TAFA1: variants seen among roughly 807,000 people sequenced by gnomAD.
TAFA1 encodes the protein chemokine-like protein TAFA-1.
In TAFA1, 4 loss-of-function variants were observed where a neutral mutation model predicts 18.5. The ratio of observed to expected loss-of-function variants is 0.22; its 90% confidence interval spans 0.11 to 0.49. The LOEUF (loss-of-function observed/expected upper bound fraction) is 0.49, where lower values mean the gene tolerates loss of function less well. TAFA1 is among the 20% of genes least tolerant of loss of function. The pLI, the probability that TAFA1 is intolerant of heterozygous loss-of-function variation, is 0.98. For missense variants in TAFA1, 147 were observed against 169.0 expected, an observed-to-expected ratio of 0.87 and a Z score of 0.72; for synonymous variants, 56 against 55.2, an observed-to-expected ratio of 1.01 and a Z score of -0.06.
intron 3 of TAFA1, among the ~76,000 whole-genome samples, chr3:68,531,492 C>T (rs890860804): frequency 4.6e-5 from 7 of 152,022 alleles, no homozygotes; most frequent in Non-Finnish European, 7.4e-5. Flanking sequence ...CCTGATTCTT[C>T]CTTTAGCGGG....
chr3:68,466,859 A>C (rs902261355), intron 3 of TAFA1, among the ~76,000 whole-genome samples: 2 of 152,160 alleles, frequency 1.3e-5, no homozygotes, highest in Non-Finnish European at 1.5e-5. Flanking sequence ...AAAAAATAGA[A>C]ATTTTAAAGC....
chr3:68,298,794 A>G (rs895733886), intron 2 of TAFA1, among the ~76,000 whole-genome samples: 2 of 152,180 alleles, frequency 1.3e-5, no homozygotes, highest in African/African-American at 4.8e-5. Flanking sequence ...CTCCCCAGCC[A>G]TGCTGAACTG....
chr3:68,051,020 A>G (rs1255089136), intron 2 of TAFA1, among the ~76,000 whole-genome samples: 1 of 152,148 alleles, frequency 6.6e-6, no homozygotes, highest in Non-Finnish European at 1.5e-5. Context: ...GTCTATGTCA[A>G]CCTGCCTGGT....
At chr3:68,029,082 T>C (rs1470036648) in intron 2 of TAFA1, among the ~76,000 whole-genome samples, 2 of 152,118 alleles carry the variant, frequency 1.3e-5, no homozygotes, top group African/African-American at 2.4e-5. Context: ...AACTTGACAT[T>C]GGATTTAAGG....
intron 2 of TAFA1, among the ~76,000 whole-genome samples, chr3:68,388,975 T>C (rs1275307123): frequency 6.6e-6 from 1 of 152,206 alleles, no homozygotes; most frequent in Non-Finnish European, 1.5e-5. Flanking sequence ...AACTTTTTGT[T>C]TTACAATGAA....
At chr3:68,201,053 T>G (rs116319815) in intron 2 of TAFA1, among the ~76,000 whole-genome samples, 2,569 of 151,706 alleles carry the variant, frequency 0.017, 75 homozygotes, top group African/African-American at 0.058. Flanking sequence ...TTCCAACAAT[T>G]TTGGTAAGTT....
intron 2 of TAFA1, among the ~76,000 whole-genome samples, chr3:68,338,663 T>G (rs2069019503): frequency 6.6e-6 from 1 of 152,202 alleles, no homozygotes; most frequent in South Asian, 2.1e-4. Context: ...AAAACTTTGC[T>G]TTCTTATTCC....
At chr3:68,278,256 A>T (rs2067831583) in intron 2 of TAFA1, among the ~76,000 whole-genome samples, 1 of 152,148 alleles carries the variant, frequency 6.6e-6, no homozygotes, top group South Asian at 2.1e-4. Context: ...CTTTTCAGGC[A>T]ATAATATGTC....
At chr3:68,495,519 A>G (rs1358692495) in intron 3 of TAFA1, among the ~76,000 whole-genome samples, 2 of 152,214 alleles carry the variant, frequency 1.3e-5, no homozygotes, top group Non-Finnish European at 2.9e-5. Context: ...TCTTAATCCA[A>G]GGAAAGTCCT....
At chr3:68,324,077 C>G (rs2068736815) in intron 2 of TAFA1, among the ~76,000 whole-genome samples, 2 of 152,226 alleles carry the variant, frequency 1.3e-5, no homozygotes, top group Admixed American at 1.3e-4. Flanking sequence ...TTCGATTTTC[C>G]AAAGCCCAGA....
intron 3 of TAFA1, among the ~76,000 whole-genome samples, chr3:68,470,501 A>G (rs1249950199): frequency 6.6e-6 from 1 of 152,232 alleles, no homozygotes; most frequent in Admixed American, 6.5e-5. Context: ...ATGTCTTTGC[A>G]TAAAATGCTG....
intron 2 of TAFA1, among the ~76,000 whole-genome samples, chr3:68,289,115 T>C (rs1043487582): frequency 6.6e-6 from 1 of 152,240 alleles, no homozygotes; most frequent in Admixed American, 6.5e-5. Context: ...AGTATATTTT[T>C]AAGGTGCCTG....
intron 2 of TAFA1, among the ~76,000 whole-genome samples, chr3:68,042,194 G>A (rs1386800087): frequency 1.3e-5 from 2 of 151,920 alleles, no homozygotes; most frequent in African/African-American, 2.4e-5. Flanking sequence ...GAGCCTGTAG[G>A]GTACTGTATT....
intron 3 of TAFA1, among the ~76,000 whole-genome samples, chr3:68,452,272 C>T (rs2071577458): frequency 6.6e-6 from 1 of 152,070 alleles, no homozygotes; most frequent in Non-Finnish European, 1.5e-5. Context: ...TCTGTAATCC[C>T]TGCACTTTGG....
intron 2 of TAFA1, among the ~76,000 whole-genome samples, chr3:68,370,353 T>TACAC (rs1553682471): frequency 1.7e-4 from 7 of 41,126 alleles, no homozygotes; most frequent in South Asian, 1.2e-3. Flanking sequence ...TATATATATA[T>TACAC]ACACACACAC....
chr3:67,996,689 T>A, the TAFA1 span, among the ~76,000 whole-genome samples: 4 of 151,968 alleles, frequency 2.6e-5, no homozygotes, highest in African/African-American at 9.7e-5. Flanking sequence ...ATCCCAGCTA[T>A]TCAGGAGGCT....
At chr3:68,417,442 T>C (rs757413084) in intron 3 of TAFA1, 22 bp downstream of exon 3, 2 of 1,612,258 alleles carry the variant, frequency 1.2e-6, no homozygotes, top group Non-Finnish European at 1.7e-6. Flanking sequence ...GTTTTACCTC[T>C]TGAAAAGCTC....
intron 2 of TAFA1, among the ~76,000 whole-genome samples, chr3:68,327,146 T>C (rs1382057808): frequency 6.6e-6 from 1 of 152,200 alleles, no homozygotes; most frequent in Non-Finnish European, 1.5e-5. Context: ...CATGTCTTGC[T>C]TCCCCTTCAC....
At chr3:68,202,735 C>T (rs559495460) in intron 2 of TAFA1, among the ~76,000 whole-genome samples, 2 of 151,690 alleles carry the variant, frequency 1.3e-5, no homozygotes, top group East Asian at 3.9e-4. Flanking sequence ...GTGAAATTTA[C>T]TTATATATAA....
Sources: allele counts gnomAD v4.1 joint callset (sites outside exome capture counted in the v4.1 genomes callset), GRCh38; gene constraint gnomAD v4.1.1; transcripts MANE v1.5; gene names NCBI Gene and HGNC (gene_info 2026-07-23, HGNC 2026-07-21).